Variants in ATP2C2 observed in about 807,000 individuals in gnomAD.
The protein encoded by ATP2C2 is ATPase secretory pathway Ca2+ transporting 2, also known as calcium-transporting ATPase type 2C member 2.
Under a neutral mutation model 110.8 loss-of-function variants are expected in ATP2C2, and 171 were observed. The ratio of observed to expected loss-of-function variants is 1.54; its 90% confidence interval spans 1.36 to 1.75. The LOEUF (loss-of-function observed/expected upper bound fraction) is 1.75. Among genes scored for constraint, ATP2C2 ranks in the 40% most tolerant of loss-of-function variants. The pLI, the probability that ATP2C2 is intolerant of heterozygous loss-of-function variation, is 0.00. For synonymous variants in ATP2C2, 804 were observed against 508.4 expected (o/e 1.58, Z -7.82); for missense variants, 1,963 against 1,235.0 (o/e 1.59, Z -8.84).
intron 11 of ATP2C2, among the ~76,000 whole-genome samples, chr16:84,437,431 G>A (rs200053857): frequency 1.3e-5 from 2 of 151,918 alleles, no homozygotes; most frequent in South Asian, 2.1e-4. Context: ...GGCTAGTCTT[G>A]AACTCTTGAG....
intron 21 of ATP2C2, among the ~76,000 whole-genome samples, chr16:84,456,283 T>C (rs1910782501): frequency 6.6e-6 from 1 of 150,956 alleles, no homozygotes; most frequent in Admixed American, 6.6e-5. Flanking sequence ...TGGTAAACTA[T>C]TGATTATTGT....
intron 1 of ATP2C2, among the ~76,000 whole-genome samples, chr16:84,383,106 C>T (rs1476354971): frequency 1.3e-5 from 2 of 152,184 alleles, no homozygotes; most frequent in East Asian, 1.9e-4. Context: ...TCCTGGGAGC[C>T]ACTGTCCTTG....
At chr16:84,370,802 C>A (rs776890420) in intron 1 of ATP2C2, among the ~76,000 whole-genome samples, 1 of 151,922 alleles carries the variant, frequency 6.6e-6, no homozygotes, top group Non-Finnish European at 1.5e-5. Context: ...GGCCTCTAAG[C>A]CCTCCCCTCC....
chr16:84,451,988 C>T lies in ATP2C2; in HGVS notation c.1728C>T (p.Asp576=), dbSNP rs770260887. The T allele has an allele frequency of 1.2e-6, 2 of 1,610,610 alleles. No individual in the cohort carries two copies. The highest frequency in any genetic ancestry group is 2.2e-5 in the East Asian group (1 of 44,850). The change falls in exon 18 of 27, where the codon GAC becomes GAT. Residue 576 remains aspartate (D), a synonymous_variant. Coordinates refer to ENST00000262429, the MANE Select transcript of ATP2C2 (RefSeq NM_014861.4). ...TTCTCGGTCTTGTGGGCATCATTGA[C>T]CCCCCGAGAGTTGGCGTGAAGGAAG... ...LTFLGLVGII[D]PPRVGVKEAV... is the part of the protein sequence containing the mutation.
rs201394833 is a variant in ATP2C2, at chr16:84,459,424, C to T, written c.2333+38C>T. The T allele has an allele frequency of 1.4e-5, 22 of 1,608,124 alleles. 1 individual carries two copies. Among genetic ancestry groups the T allele is most frequent in the Admixed American group, 1.0e-4 (6 of 60,006 alleles). On this transcript the variant is annotated intron_variant, in intron 23 of 26. Coordinates refer to ENST00000262429, the MANE Select transcript of ATP2C2 (RefSeq NM_014861.4). ...CGGCTGGGAGCCCTGTGTCTCTTTA[C>T]CCACCTGCGGGGCTTCCTCCAGGGG...
Position 84,442,614 on chromosome 16 carries a change from G to T in ATP2C2, c.1401+15G>T, listed in dbSNP as rs750301839. The T allele has an allele frequency of 1.2e-6, 2 of 1,612,826 alleles. No individual in the cohort carries two copies. The highest frequency in any genetic ancestry group is 2.2e-5 in the South Asian group (2 of 91,018). On this transcript the variant is annotated intron_variant, in intron 15 of 26. Transcript: ENST00000262429. ...TGGCGATGAAGGTAGGAGGTCCTGG[G>T]GTGGCTCTGCGGGGAATTCTTTCGC...
rs1026587345 is a variant in ATP2C2, at chr16:84,454,942, C to A, written c.2105C>A (p.Ala702Asp). The A allele has an allele frequency of 4.3e-6, 7 of 1,613,700 alleles. No homozygotes were observed. The African/African-American group carries it at 9.3e-5, about 22-fold the overall frequency. The change falls in exon 21 of 27, where the codon GCC becomes GAC. Residue 702 changes from alanine (A) to aspartate (D), a missense_variant. Coordinates refer to ENST00000262429, the MANE Select transcript of ATP2C2 (RefSeq NM_014861.4). ...ACAGGGACGGACGTCAGCAAAGAGG[C>A]CGCCAACATGATCCTGGTGGATGAT... ...GQTGTDVSKEAANMILVDDDF... is the reference protein window; with the variant it reads ...GQTGTDVSKEDANMILVDDDF...
intron 11 of ATP2C2, among the ~76,000 whole-genome samples, chr16:84,436,771 T>TTTC (rs1250439686): frequency 6.7e-6 from 1 of 149,766 alleles, no homozygotes; most frequent in Non-Finnish European, 1.5e-5. Context: ...CTGTTTTTTT[T>TTTC]TTTTTTTTGA....
At chr16:84,379,849 A>C (rs946187596) in intron 1 of ATP2C2, among the ~76,000 whole-genome samples, 1 of 152,150 alleles carries the variant, frequency 6.6e-6, no homozygotes, top group Admixed American at 6.5e-5. Context: ...ATAATTACAC[A>C]CTGAGATAAA....
rs1187935440 is a variant in ATP2C2, at chr16:84,452,194, C to T, written c.1831+103C>T. 9 of 1,405,468 alleles carry T rather than the reference C, an allele frequency of 6.4e-6. No individual in the cohort carries two copies. In the Middle Eastern group the frequency reaches 5.5e-4, roughly 86 times the overall value. The allele number at this position is 1,405,468 out of a possible 1,614,324, so 87.1% of individuals were successfully genotyped here. A position where few individuals can be genotyped will look rare whatever the true frequency, so the allele number is the denominator to read the frequency against. On this transcript the variant is annotated intron_variant, in intron 18 of 26. Transcript: ENST00000262429. ...GCCTCCGCAAACTCGGTCAGGAGTGCTCACGCCTAGCCCTACAGGCTTAGA... is the reference window on the plus strand; with the variant it reads ...GCCTCCGCAAACTCGGTCAGGAGTGTTCACGCCTAGCCCTACAGGCTTAGA...
At position 84,439,260 on chromosome 16, in the gene ATP2C2, G is replaced by T. The variant is rs752961744; in HGVS notation, c.1081G>T (p.Val361Leu). 8 of 1,612,602 alleles carry T rather than the reference G, an allele frequency of 5.0e-6. No homozygotes were observed. The highest frequency in any genetic ancestry group is 6.8e-6 in the Non-Finnish European group (8 of 1,180,024). ...VLRMAKKRVIVKKLPIVETLG... is the reference protein window; with the variant it reads ...VLRMAKKRVILKKLPIVETLG... ...GCGGATGGCCAAGAAGCGGGTCATC[G>T]TGAAGAAGTTACCCATCGTGGAGAC... The change falls in exon 12 of 27, where the codon GTG (valine) becomes TTG (leucine). Residue 361 changes from valine (V) to leucine (L), a missense_variant. Val to Leu is a conservative substitution (Grantham distance 32). Transcript: ENST00000262429.
At chr16:84,447,678 CATATATTATTTAAT>C (rs1191541438) in intron 16 of ATP2C2, among the ~76,000 whole-genome samples, 1 of 141,906 alleles carries the variant, frequency 7.0e-6, no homozygotes, top group Non-Finnish European at 1.5e-5. Flanking sequence ...ACATATATTA[CATATATTATTTAAT>C]ATATATTATG....
chr16:84,401,595 C>T (rs1487570364), intron 2 of ATP2C2, among the ~76,000 whole-genome samples: 2 of 152,082 alleles, frequency 1.3e-5, no homozygotes, highest in African/African-American at 2.4e-5. Flanking sequence ...TTGCCCTTTC[C>T]CCAGTGGATG....
intron 23 of ATP2C2, chr16:84,459,729 C>T (rs928837216): frequency 5.6e-6 from 4 of 712,496 alleles, no homozygotes; most frequent in Non-Finnish European, 9.2e-6. Flanking sequence ...ACTCAATCCC[C>T]TCACCCTGCT....
At chr16:84,383,109 T>C (rs138158331) in intron 1 of ATP2C2, among the ~76,000 whole-genome samples, 1 of 152,294 alleles carries the variant, frequency 6.6e-6, no homozygotes, top group Non-Finnish European at 1.5e-5. Context: ...TGGGAGCCAC[T>C]GTCCTTGTCA....
chr16:84,444,293 T>C lies in ATP2C2; in HGVS notation c.1401+1694T>C, dbSNP rs547539784. On this transcript the variant is annotated intron_variant, in intron 15 of 26. Coordinates refer to ENST00000262429, the MANE Select transcript of ATP2C2 (RefSeq NM_014861.4). ...TTCAAGACCAGCCTGGCCAACATGG[T>C]GAAACCTCATCTCTACTAAAAATAT... Among the ~76,000 whole-genome samples, 4 of 143,588 alleles carry C rather than the reference T, an allele frequency of 2.8e-5. No homozygotes were observed. The South Asian group carries it at 9.0e-4, about 32-fold the overall frequency. The allele number at this position is 143,588 out of a possible 152,430, so 94.2% of individuals were successfully genotyped here.
intron 7 of ATP2C2, among the ~76,000 whole-genome samples, chr16:84,417,580 C>T (rs184073042): frequency 1.1e-3 from 162 of 152,326 alleles, no homozygotes; most frequent in African/African-American, 3.6e-3. Flanking sequence ...CTGGCTTTCT[C>T]TCTGCCCTGC....
chr16:84,449,075 C>T (rs1477792737), intron 17 of ATP2C2, among the ~76,000 whole-genome samples: 1 of 151,364 alleles, frequency 6.6e-6, no homozygotes, highest in African/African-American at 2.4e-5. Flanking sequence ...CAATTTTCTG[C>T]AGCAGAGCCA....
intron 2 of ATP2C2, among the ~76,000 whole-genome samples, chr16:84,401,951 C>G (rs1288711890): frequency 1.3e-5 from 2 of 151,610 alleles, no homozygotes; most frequent in Non-Finnish European, 2.9e-5. Context: ...ATTGATTTTT[C>G]CAACCCATGA....
Sources: gnomAD v4.1 joint callset for allele counts (sites outside exome capture counted in the v4.1 genomes callset) on GRCh38, gnomAD v4.1.1 for gene constraint, MANE v1.5 for transcripts, NCBI Gene and HGNC (gene_info 2026-07-23, HGNC 2026-07-21) for gene names.